Variants in ARHGAP17 observed in about 807,000 individuals in gnomAD.
The protein encoded by ARHGAP17 is rho GTPase-activating protein 17.
In ARHGAP17, 57 loss-of-function variants were observed where a neutral mutation model predicts 99.5. The observed-to-expected ratio is 0.57, with a 90% CI of 0.46 to 0.71. The LOEUF (loss-of-function observed/expected upper bound fraction) is 0.71, where lower values mean the gene tolerates loss of function less well. ARHGAP17 is among the 30% of genes least tolerant of loss of function. The pLI, the probability that ARHGAP17 is intolerant of heterozygous loss-of-function variation, is 0.00. For synonymous variants in ARHGAP17, 417 were observed against 429.6 expected, an observed-to-expected ratio of 0.97 and a Z score of 0.36; for missense variants, 1,000 against 1,122.4, an observed-to-expected ratio of 0.89 and a Z score of 1.56.
Position 24,920,265 on chromosome 16 carries a change from A to G in ARHGAP17, c.2516-5T>C. ...CTGAAACCCTGGAATTGGAGTCTGG[A>G]CAAAAACACGAGGAGACATGGTATC... On this transcript the variant is annotated splice_region_variant and splice_polypyrimidine_tract_variant and intron_variant, in intron 19 of 19. Coordinates refer to ENST00000289968, the MANE Select transcript of ARHGAP17 (RefSeq NM_001006634.3). 6.2e-7 allele frequency: 1 copy of G among 1,613,912 alleles called. No individual in the cohort carries two copies. Among genetic ancestry groups the G allele is most frequent in the Non-Finnish European group, 8.5e-7 (1 of 1,179,918 alleles).
chr16:24,933,702 G>T (rs1367652961), intron 18 of ARHGAP17, among the ~76,000 whole-genome samples: 1 of 151,994 alleles, frequency 6.6e-6, no homozygotes, highest in Non-Finnish European at 1.5e-5. Flanking sequence ...TGAAATTTAA[G>T]GGTGTGAAGA....
At chr16:24,970,028 A>T (rs993508177) in intron 4 of ARHGAP17, among the ~76,000 whole-genome samples, 1 of 151,260 alleles carries the variant, frequency 6.6e-6, no homozygotes, top group Non-Finnish European at 1.5e-5. Flanking sequence ...ACTTATATAA[A>T]TTATTTAAAG....
intron 7 of ARHGAP17, 49 bp downstream of exon 7, chr16:24,964,148 C>A: frequency 8.1e-7 from 1 of 1,236,912 alleles, no homozygotes; most frequent in Non-Finnish European, 1.1e-6. Context: ...AACTTTCATC[C>A]CTCATTTGCA....
intron 1 of ARHGAP17, among the ~76,000 whole-genome samples, chr16:25,003,543 G>C (rs907185763): frequency 6.6e-6 from 1 of 152,200 alleles, no homozygotes; most frequent in Non-Finnish European, 1.5e-5. Context: ...GGAAGAACCA[G>C]CTGGGTGCGG....
chr16:24,931,259 C>G lies in ARHGAP17; in HGVS notation c.2040G>C (p.Gln680His). The change falls in exon 19 of 20, where the codon CAG (glutamine) becomes CAC (histidine). Residue 680 changes from glutamine to histidine, a missense_variant. Physicochemically the swap from Gln to His is conservative, Grantham distance 24. Around this residue, in one of 2 missense-constraint regions of ARHGAP17, gnomAD observed 528 missense variants for 511.4 expected, o/e 1.03. Transcript: ENST00000289968. ...GCTGGCCTGGAGGCTGGCCCGTGTG[C>G]TGGGTGGGAGGAGAGGGGCTTCGGG... ...PPTRSPSPPTQHTGQPPGQPS... is the reference protein window; with the variant it reads ...PPTRSPSPPTHHTGQPPGQPS... 1 of 1,433,680 alleles carries G rather than the reference C, an allele frequency of 7.0e-7. No homozygotes were observed. The highest frequency in any genetic ancestry group is 1.3e-5 in the South Asian group (1 of 77,128). The allele number at this position is 1,433,680 out of a possible 1,614,324, so 88.8% of individuals were successfully genotyped here.
At position 24,939,515 on chromosome 16, in the gene ARHGAP17, G is replaced by C; in HGVS notation, c.1573C>G (p.Pro525Ala). The part of the protein sequence containing the change: ...NRKHISPAFQ[P>A]PLPPTDGSTV... ...CTGCCATCTGTGGGCGGAAGTGGCG[G>C]CTGGAAAGCGGGGGATATGTGCTTT... The change falls in exon 17 of 20, where the codon CCG becomes GCG. Residue 525 changes from proline (P) to alanine (A), a missense_variant. By Grantham distance (27) the Pro-to-Ala change is conservative. Around this residue, in one of 2 missense-constraint regions of ARHGAP17, gnomAD observed 528 missense variants for 511.4 expected, o/e 1.03. Transcript: ENST00000289968. 17 of 1,610,472 alleles carry C rather than the reference G, an allele frequency of 1.1e-5. No homozygotes were observed. Among genetic ancestry groups the C allele is most frequent in the Non-Finnish European group, 1.4e-5 (17 of 1,178,956 alleles).
At chr16:24,924,456 T>TA (rs1555540321) in intron 19 of ARHGAP17, among the ~76,000 whole-genome samples, 6 of 150,540 alleles carry the variant, frequency 4.0e-5, no homozygotes, top group Admixed American at 6.6e-5. Context: ...TTTTTTTTTT[T>TA]AAATAAAATA....
chr16:24,991,276 G>A (rs921944003), intron 1 of ARHGAP17, among the ~76,000 whole-genome samples: 1 of 152,164 alleles, frequency 6.6e-6, no homozygotes, highest in African/African-American at 2.4e-5. Context: ...GGTTGTTTAG[G>A]AACACCATCT....
chr16:24,931,393 G>A lies in ARHGAP17; in HGVS notation c.1906C>T (p.Pro636Ser), dbSNP rs777771411. 28 of 1,507,002 alleles carry A rather than the reference G, an allele frequency of 1.9e-5. No individual in the cohort carries two copies. The highest frequency in any genetic ancestry group is 2.5e-5 in the Non-Finnish European group (28 of 1,130,758). The allele number at this position is 1,507,002 out of a possible 1,614,324, so 93.4% of individuals were successfully genotyped here. A position where few individuals can be genotyped will look rare whatever the true frequency, so the allele number is the denominator to read the frequency against. Residue 636 changes from proline to serine, a missense_variant, in exon 19 of 20, where the codon CCC (proline) becomes TCC (serine). Around this residue, in one of 2 missense-constraint regions of ARHGAP17, gnomAD observed 528 missense variants for 511.4 expected, o/e 1.03. Transcript: ENST00000289968. The stretch of plus-strand genomic sequence containing the variant: ...CCCGGTTTCGGGGGTGCTGGAGCGG[G>A]TTTTTTAACAGCTGCACAAAAAGAG... ...PHTLRRAVKK[P>S]APAPPKPGNP...
chr16:25,015,172 G>C, intron 1 of ARHGAP17, 37 bp downstream of exon 1: 1 of 1,256,162 alleles, frequency 8.0e-7, no homozygotes. Context: ...TCCGCCCCCA[G>C]CCCCGGTGCG....
At chr16:25,015,140 C>CCCGCCCCCGCGCCCTCCGCCCT (rs2053751280) in intron 1 of ARHGAP17, 69 bp downstream of exon 1, 2 of 1,178,336 alleles carry the variant, frequency 1.7e-6, no homozygotes, top group Admixed American at 4.5e-5. Context: ...GAGGAGCCGT[C>CCCGCCCCCGCGCCCTCCGCCCT]CCGCCCCCGC....
chr16:24,925,401 A>G (rs1388983828), intron 19 of ARHGAP17, among the ~76,000 whole-genome samples: 1 of 152,022 alleles, frequency 6.6e-6, no homozygotes, highest in Admixed American at 6.6e-5. Context: ...AAATAAATAA[A>G]CAGAAGAATG....
intron 1 of ARHGAP17, among the ~76,000 whole-genome samples, chr16:25,003,760 T>C (rs928745951): frequency 2.6e-5 from 4 of 151,592 alleles, no homozygotes; most frequent in Admixed American, 6.6e-5. Context: ...GGAGCAGAGG[T>C]TGCAGTGAGC....
At chr16:24,940,804 G>A (rs1019017764) in intron 16 of ARHGAP17, among the ~76,000 whole-genome samples, 5 of 152,158 alleles carry the variant, frequency 3.3e-5, no homozygotes, top group Admixed American at 1.3e-4. Context: ...CACTTAAGGC[G>A]ACTGATCTAT....
rs2052729585 is a variant in ARHGAP17 at position 24,982,982 on chromosome 16, ATATATATATATATATTTTTTTTTT to A, written c.54-4001_54-3978del. Among the ~76,000 whole-genome samples, 5 of 32,668 alleles carry A rather than the reference ATATATATATATATATTTTTTTTTT, an allele frequency of 1.5e-4. 1 individual carries two copies. The highest frequency in any genetic ancestry group is 1.3e-3 in the South Asian group (1 of 742). The allele number at this position is 32,668 out of a possible 152,430, so 21.4% of individuals were successfully genotyped here. A position where few individuals can be genotyped will look rare whatever the true frequency, so the allele number is the denominator to read the frequency against. ...TGATAAATCATATATATATATATATATATATATATATATATTTTTTTTTTTTTTTTTTTTTTTTTTGAGACAGGG... is the reference window on the plus strand; with the variant it reads ...TGATAAATCATATATATATATATATATTTTTTTTTTTTTTTTGAGACAGGG... On this transcript the variant is annotated intron_variant, in intron 1 of 19. Coordinates refer to ENST00000289968, the MANE Select transcript of ARHGAP17 (RefSeq NM_001006634.3).
chr16:24,935,617 C>G lies in ARHGAP17; in HGVS notation c.1747G>C (p.Val583Leu), dbSNP rs1416031846. 1 of 1,614,082 alleles carries G rather than the reference C, an allele frequency of 6.2e-7. No individual in the cohort carries two copies. The highest frequency in any genetic ancestry group is 1.1e-5 in the South Asian group (1 of 91,078). ...CCTGGTGCTGGCACAGCTGCAGATACAGGGTCCTTCGGTTTGGGAGGACTA... is the reference window on the plus strand; with the variant it reads ...CCTGGTGCTGGCACAGCTGCAGATAGAGGGTCCTTCGGTTTGGGAGGACTA... ...DGSPPKPKDP[V>L]SAAVPAPGRN... The change falls in exon 18 of 20, where the codon GTA becomes CTA. Residue 583 changes from valine to leucine, a missense_variant. Coordinates refer to ENST00000289968, the MANE Select transcript of ARHGAP17 (RefSeq NM_001006634.3).
intron 12 of ARHGAP17, among the ~76,000 whole-genome samples, chr16:24,951,236 G>A (rs533375106): frequency 1.1e-3 from 161 of 152,290 alleles, no homozygotes; most frequent in Admixed American, 2.1e-3. Flanking sequence ...TAGCATTTGG[G>A]TCTGTCTGGT....
chr16:24,924,425 T>G (rs2050789330), intron 19 of ARHGAP17, among the ~76,000 whole-genome samples: 1 of 144,258 alleles, frequency 6.9e-6, no homozygotes, highest in South Asian at 2.3e-4. Context: ...AAACCTTTTA[T>G]TGGAGGTCTC....
intron 1 of ARHGAP17, among the ~76,000 whole-genome samples, chr16:24,988,212 C>G (rs2052931389): frequency 6.7e-6 from 1 of 149,950 alleles, no homozygotes; most frequent in South Asian, 2.3e-4. Flanking sequence ...AATCTAAAAT[C>G]TACTTAATTG....
Sources: gnomAD v4.1 joint callset for allele counts (sites outside exome capture counted in the v4.1 genomes callset) on GRCh38, gnomAD v4.1.1 for gene constraint, gnomAD v4.1.1 regional missense constraint, MANE v1.5 for transcripts, NCBI Gene and HGNC (gene_info 2026-07-23, HGNC 2026-07-21) for gene names.